The following PSD3 variants were observed in gnomAD, a reference collection of about 807,000 sequenced individuals.
PSD3 encodes the protein pleckstrin and Sec7 domain containing 3, also known as PH and SEC7 domain-containing protein 3.
In PSD3, 49 loss-of-function variants were observed where a neutral mutation model predicts 105.5. That is an observed-to-expected ratio of 0.46 (90% CI 0.37 to 0.59). The LOEUF is 0.59. Ranked by LOEUF, PSD3 falls within the 20% of genes least tolerant of loss-of-function variation. PSD3 has a pLI of 0.00. For synonymous variants in PSD3, 557 were observed against 457.8 expected (o/e 1.22, Z -2.77); for missense variants, 1,561 against 1,263.8 (o/e 1.24, Z -3.57).
At chr8:18,865,987 T>C (rs573041212) in intron 4 of PSD3, among the ~76,000 whole-genome samples, 67 of 152,298 alleles carry the variant, frequency 4.4e-4, no homozygotes, top group African/African-American at 1.6e-3. Context: ...ACCCAGTTCC[T>C]TCACTGGTGT....
chr8:18,841,572 G>A (rs1480835226), intron 4 of PSD3, among the ~76,000 whole-genome samples: 1 of 152,180 alleles, frequency 6.6e-6, no homozygotes, highest in Non-Finnish European at 1.5e-5. Flanking sequence ...AGCAGGCATT[G>A]TTTGAAGTGG....
At chr8:18,616,886 G>T (rs1295539060) in intron 11 of PSD3, among the ~76,000 whole-genome samples, 1 of 151,892 alleles carries the variant, frequency 6.6e-6, no homozygotes, top group Non-Finnish European at 1.5e-5. Context: ...GCCTCCCAAA[G>T]TGCTGGGATT....
At chr8:18,822,140 C>A (rs570780845) in intron 4 of PSD3, among the ~76,000 whole-genome samples, 7 of 152,190 alleles carry the variant, frequency 4.6e-5, no homozygotes, top group Non-Finnish European at 7.3e-5. Flanking sequence ...GCAACACACT[C>A]TTTGTGAAAC....
chr8:18,668,273 A>G (rs1053555490), intron 9 of PSD3, among the ~76,000 whole-genome samples: 6 of 152,250 alleles, frequency 3.9e-5, no homozygotes, highest in African/African-American at 1.4e-4. Context: ...GTAAGGAGGA[A>G]ACAGTAAGAA....
intron 4 of PSD3, among the ~76,000 whole-genome samples, chr8:18,821,127 C>T (rs1019285624): frequency 6.6e-6 from 1 of 151,368 alleles, no homozygotes; most frequent in Non-Finnish European, 1.5e-5. Context: ...CAAACAATGA[C>T]GGCATAAAAA....
At chr8:18,875,802 G>A (rs1586299329) in intron 2 of PSD3, among the ~76,000 whole-genome samples, 1 of 152,160 alleles carries the variant, frequency 6.6e-6, no homozygotes, top group African/African-American at 2.4e-5. Flanking sequence ...CTCCCAAAGT[G>A]CTGGGATTAC....
At chr8:18,588,400 T>G (rs2130471635) in intron 12 of PSD3, among the ~76,000 whole-genome samples, 1 of 152,284 alleles carries the variant, frequency 6.6e-6, no homozygotes, top group South Asian at 2.1e-4. Flanking sequence ...TAGTTCTGAT[T>G]TTTTAAAAAA....
chr8:18,785,463 C>G (rs1342434573), intron 8 of PSD3, among the ~76,000 whole-genome samples: 3 of 152,144 alleles, frequency 2.0e-5, no homozygotes, highest in African/African-American at 7.2e-5. Flanking sequence ...TGAAGAGACT[C>G]AGGGCCTTGC....
At chr8:18,868,094 A>T in intron 3 of PSD3, 25 bp from the exon 4 acceptor site, 1 of 1,558,436 alleles carries the variant, frequency 6.4e-7, no homozygotes, top group Non-Finnish European at 8.7e-7. Flanking sequence ...AGAGTGAAGA[A>T]TTCCAATATT....
chr8:18,708,148 T>C (rs1470029588), intron 9 of PSD3, among the ~76,000 whole-genome samples: 3 of 152,184 alleles, frequency 2.0e-5, no homozygotes, highest in African/African-American at 7.2e-5. Flanking sequence ...TAATTTACAG[T>C]TTTAATGGGG....
At chr8:18,621,360 A>G (rs1165476156) in intron 11 of PSD3, among the ~76,000 whole-genome samples, 1 of 152,176 alleles carries the variant, frequency 6.6e-6, no homozygotes, top group Non-Finnish European at 1.5e-5. Context: ...GTGAGCTGAC[A>G]TCGTGCCACT....
intron 1 of PSD3, among the ~76,000 whole-genome samples, chr8:19,076,374 G>C (rs987131220): frequency 6.6e-6 from 1 of 152,114 alleles, no homozygotes; most frequent in Non-Finnish European, 1.5e-5. Context: ...TTAGAGGTAG[G>C]CATAGGAATA....
At chr8:19,054,490 G>C (rs150377317) in intron 1 of PSD3, among the ~76,000 whole-genome samples, 152 of 152,234 alleles carry the variant, frequency 1.0e-3, no homozygotes, top group African/African-American at 3.5e-3. Context: ...AGGAGAAAAT[G>C]ATATTCCCAG....
chr8:18,551,496 C>T lies in PSD3; in HGVS notation c.2928+4713G>A, dbSNP rs184823353. Among the ~76,000 whole-genome samples the T allele has an allele frequency of 6.6e-4, 100 of 152,238 alleles. 1 individual carries two copies. The highest frequency in any genetic ancestry group is 2.3e-3 in the African/African-American group (94 of 41,546). On this transcript the variant is annotated intron_variant, in intron 15 of 15. Transcript: ENST00000327040. ...AGAATTAGAAATTCAGAAAAAGGTGCATCATGCTTCAAGAATGTCCTAGAT... is the reference window on the plus strand; with the variant it reads ...AGAATTAGAAATTCAGAAAAAGGTGTATCATGCTTCAAGAATGTCCTAGAT...
intron 14 of PSD3, among the ~76,000 whole-genome samples, chr8:18,565,138 C>A (rs1459933403): frequency 1.3e-5 from 2 of 152,126 alleles, no homozygotes; most frequent in African/African-American, 4.8e-5. Flanking sequence ...TCCCTGAGCC[C>A]AGCCTGGACC....
chr8:18,631,625 A>G (rs1806901078), intron 11 of PSD3, among the ~76,000 whole-genome samples: 1 of 151,878 alleles, frequency 6.6e-6, no homozygotes, highest in Non-Finnish European at 1.5e-5. Context: ...CAACTATATG[A>G]GTGAGTTCTG....
chr8:18,536,060 T>G lies in PSD3; in HGVS notation c.2929-102A>C, dbSNP rs761001945. On this transcript the variant is annotated intron_variant, in intron 15 of 15. Coordinates refer to ENST00000327040, the MANE Select transcript of PSD3 (RefSeq NM_015310.4). ...CCACCTGGAGAGTGTGAATGGCTGT[T>G]GAAGACTTCGCTTCATTTCCCAAAC... is the stretch of plus-strand genomic sequence containing the variant. 425 of 1,142,580 alleles carry G rather than the reference T, an allele frequency of 3.7e-4. 1 individual carries two copies. The highest frequency in any genetic ancestry group is 4.6e-4 in the Non-Finnish European group (363 of 794,398). The allele number at this position is 1,142,580 out of a possible 1,614,324, so 70.8% of individuals were successfully genotyped here. A position where few individuals can be genotyped will look rare whatever the true frequency, so the allele number is the denominator to read the frequency against.
Position 18,804,774 on chromosome 8 carries a change from T to G in PSD3, c.1759A>C (p.Arg587=), listed in dbSNP as rs369031652. 73 of 1,614,028 alleles carry G rather than the reference T, an allele frequency of 4.5e-5. 2 individuals carry two copies. Among genetic ancestry groups the G allele is most frequent in the East Asian group, 3.8e-4 (17 of 44,884 alleles). The change falls in exon 5 of 16, where the codon AGG becomes CGG. Residue 587 remains arginine (R), a synonymous_variant. Transcript: ENST00000327040. ...AGCTGATAAAGGCGTTTGGCCAACCTTTTGGCTGCTTCCACATTGCTGCTG... is the reference window on the plus strand; with the variant it reads ...AGCTGATAAAGGCGTTTGGCCAACCGTTTGGCTGCTTCCACATTGCTGCTG... ...GTSSNVEAAK[R]LAKRLYQLDR...
chr8:18,854,908 G>A (rs1180902988), intron 4 of PSD3, among the ~76,000 whole-genome samples: 1 of 152,190 alleles, frequency 6.6e-6, no homozygotes, highest in Non-Finnish European at 1.5e-5. Flanking sequence ...TCCAAAGCCT[G>A]CTTCAGACAC....
Sources: gnomAD v4.1 joint callset for allele counts (sites outside exome capture counted in the v4.1 genomes callset) on GRCh38, gnomAD v4.1.1 for gene constraint, MANE v1.5 for transcripts, NCBI Gene and HGNC (gene_info 2026-07-23, HGNC 2026-07-21) for gene names.